COL23A1: variants seen among roughly 807,000 people sequenced by gnomAD.
The protein encoded by COL23A1 is collagen type XXIII alpha 1 chain.
COL23A1 carries 97 observed loss-of-function variants against 99.3 expected under a neutral mutation model. The observed-to-expected ratio is 0.98, with a 90% CI of 0.83 to 1.16. The LOEUF (loss-of-function observed/expected upper bound fraction) is 1.16, where lower values mean the gene tolerates loss of function less well. Among genes scored for constraint, COL23A1 ranks in the 50% most tolerant of loss-of-function variants. COL23A1 has a pLI of 0.00. For synonymous variants in COL23A1, 320 were observed against 308.2 expected, an observed-to-expected ratio of 1.04 and a Z score of -0.40; for missense variants, 762 against 757.4, an observed-to-expected ratio of 1.01 and a Z score of -0.07.
chr5:178,274,657 C>G (rs1756486603), intron 5 of COL23A1, among the ~76,000 whole-genome samples: 1 of 152,154 alleles, frequency 6.6e-6, no homozygotes, highest in South Asian at 2.1e-4. Flanking sequence ...CCGTTCCTCT[C>G]CCAGCATCTC....
intron 1 of COL23A1, among the ~76,000 whole-genome samples, chr5:178,568,050 C>T (rs1762920943): frequency 6.6e-6 from 1 of 152,252 alleles, no homozygotes; most frequent in South Asian, 2.1e-4. Flanking sequence ...CTCATGCTGG[C>T]CCCATGGGCC....
chr5:178,385,964 C>A (rs898140329), intron 2 of COL23A1, among the ~76,000 whole-genome samples: 1 of 152,122 alleles, frequency 6.6e-6, no homozygotes, highest in African/African-American at 2.4e-5. Context: ...AATGAAAATC[C>A]ATGTGTCCTA....
chr5:178,393,698 C>T (rs767039056), intron 2 of COL23A1, among the ~76,000 whole-genome samples: 3 of 150,674 alleles, frequency 2.0e-5, no homozygotes, highest in Non-Finnish European at 2.9e-5. Flanking sequence ...CACCCAGGCG[C>T]AATCTCTGCT....
intron 2 of COL23A1, among the ~76,000 whole-genome samples, chr5:178,463,109 T>G (rs1756215406): frequency 6.6e-6 from 1 of 152,244 alleles, no homozygotes; most frequent in Non-Finnish European, 1.5e-5. Flanking sequence ...GGAACTATTT[T>G]TTTAAGTGCA....
chr5:178,288,886 C>T (rs1427185226), intron 4 of COL23A1, among the ~76,000 whole-genome samples: 1 of 152,190 alleles, frequency 6.6e-6, no homozygotes, highest in East Asian at 1.9e-4. Flanking sequence ...CACACTTGGG[C>T]ACCCATCTCC....
chr5:178,510,678 TAAAAAATAAAAATAAAA>T (rs1759154275), intron 2 of COL23A1, among the ~76,000 whole-genome samples: 1 of 20,988 alleles, frequency 4.8e-5, no homozygotes, highest in Non-Finnish European at 1.9e-4. Flanking sequence ...AATAATAAAA[TAAAAAATAAAAATAAAA>T]AATAAAAAAA....
chr5:178,314,430 C>T (rs956656062), intron 2 of COL23A1, among the ~76,000 whole-genome samples: 4 of 152,134 alleles, frequency 2.6e-5, no homozygotes, highest in Non-Finnish European at 5.9e-5. Flanking sequence ...TGACAGACCC[C>T]GACCACCCCA....
In COL23A1 at chr5:178,468,054, C is replaced by T. The variant is rs983991779; in HGVS notation, c.361+92628G>A. 2.0e-5 allele frequency among the ~76,000 whole-genome samples: 3 copies of T among 152,180 alleles called. No homozygotes were observed. The highest frequency in any genetic ancestry group is 4.4e-5 in the Non-Finnish European group (3 of 68,042). ...ATTTAATATCCCACCCACGCATCACCTAACAGCCTCTGGGGCGGTGTGTTC... is the reference window on the plus strand; with the variant it reads ...ATTTAATATCCCACCCACGCATCACTTAACAGCCTCTGGGGCGGTGTGTTC... On this transcript the variant is annotated intron_variant, in intron 2 of 28. Transcript: ENST00000390654. This position sits in a 1 kb window ranked among gnomAD's most constrained non-coding sequence, Gnocchi z 4.2.
At chr5:178,337,050 C>A (rs1760364118) in intron 2 of COL23A1, among the ~76,000 whole-genome samples, 1 of 152,238 alleles carries the variant, frequency 6.6e-6, no homozygotes, top group African/African-American at 2.4e-5. Flanking sequence ...TCTCTCCAGT[C>A]TGTCCCTGCC....
chr5:178,568,750 A>G (rs485712), intron 1 of COL23A1, among the ~76,000 whole-genome samples: 39,570 of 152,148 alleles, frequency 0.26, 5,283 homozygotes, highest in East Asian at 0.3. Context: ...ACTCATGCAC[A>G]TTGGCGTGGA....
chr5:178,279,270 GC>G (rs754638466), intron 5 of COL23A1, among the ~76,000 whole-genome samples: 1 of 152,000 alleles, frequency 6.6e-6, no homozygotes, highest in Non-Finnish European at 1.5e-5. Flanking sequence ...TTCAGCTCCC[GC>G]CCCCGCCAGT....
chr5:178,531,803 C>A (rs1277710733), intron 2 of COL23A1, among the ~76,000 whole-genome samples: 1 of 152,234 alleles, frequency 6.6e-6, no homozygotes, highest in Admixed American at 6.5e-5. Context: ...CGAGTGCATC[C>A]TTGCCCATCC....
chr5:178,572,571 A>G (rs1302654272), intron 1 of COL23A1, among the ~76,000 whole-genome samples: 1 of 152,240 alleles, frequency 6.6e-6, no homozygotes, highest in Non-Finnish European at 1.5e-5. Flanking sequence ...GAATTGTCCT[A>G]CACTGCTGGT....
intron 2 of COL23A1, among the ~76,000 whole-genome samples, chr5:178,476,627 G>A (rs1393992248): frequency 2.0e-5 from 3 of 152,214 alleles, no homozygotes; most frequent in East Asian, 1.9e-4. Context: ...TCTGCCTGCC[G>A]TGCTCCTCTT....
chr5:178,564,053 GTCACACTTGGGCTACTGCTA>G (rs1460689937), intron 1 of COL23A1, among the ~76,000 whole-genome samples: 2 of 152,188 alleles, frequency 1.3e-5, no homozygotes, highest in Non-Finnish European at 2.9e-5. Context: ...AACAACTGCT[GTCACACTTGGGCTACTGCTA>G]TCACATCTGA....
At chr5:178,247,424 C>T in intron 22 of COL23A1, 102 bp downstream of exon 22, 1 of 1,360,414 alleles carries the variant, frequency 7.4e-7, no homozygotes, top group Non-Finnish European at 1.0e-6. Context: ...AGGGATGGGC[C>T]AGGGCGGAGC....
At chr5:178,456,496 C>G (rs1308468702) in intron 2 of COL23A1, among the ~76,000 whole-genome samples, 1 of 152,076 alleles carries the variant, frequency 6.6e-6, no homozygotes, top group Non-Finnish European at 1.5e-5. Context: ...GTCGGGAGTT[C>G]GAGACCAGCC....
At chr5:178,556,545 C>T (rs1442352517) in intron 2 of COL23A1, among the ~76,000 whole-genome samples, 1 of 149,166 alleles carries the variant, frequency 6.7e-6, no homozygotes, top group African/African-American at 2.5e-5. Flanking sequence ...ATTGCTTGAA[C>T]CTGGGAGGTG....
intron 2 of COL23A1, among the ~76,000 whole-genome samples, chr5:178,324,487 C>A (rs890813): frequency 1.3e-5 from 2 of 151,888 alleles, no homozygotes; most frequent in African/African-American, 4.8e-5. Flanking sequence ...ACAATGACCA[C>A]GACCGCTGCT....
Sources: allele counts gnomAD v4.1 joint callset (sites outside exome capture counted in the v4.1 genomes callset), GRCh38; gene constraint gnomAD v4.1.1; non-coding constraint Gnocchi (gnomAD v3.1); transcripts MANE v1.5; gene names NCBI Gene and HGNC (gene_info 2026-07-23, HGNC 2026-07-21).